Variants in JARID2 observed in about 807,000 individuals in gnomAD.
JARID2 encodes the protein protein Jumonji.
JARID2 carries 21 observed loss-of-function variants against 125.6 expected under a neutral mutation model. That is an observed-to-expected ratio of 0.17 (90% CI 0.12 to 0.24). The LOEUF (loss-of-function observed/expected upper bound fraction) is 0.24, where lower values mean the gene tolerates loss of function less well. Among genes scored for constraint, JARID2 ranks in the 10% least tolerant of loss-of-function variants. The probability of loss-of-function intolerance (pLI) is 1.00; values close to 1 mark genes in which losing one functional copy is unlikely to be tolerated. For missense variants in JARID2, 1,303 were observed against 1,639.6 expected (o/e 0.79, Z 3.55); for synonymous variants, 736 against 661.6 (o/e 1.11, Z -1.73).
At chr6:15,394,443 A>G (rs148525385) in intron 2 of JARID2, among the ~76,000 whole-genome samples, 336 of 152,232 alleles carry the variant, frequency 2.2e-3, no homozygotes, top group Non-Finnish European at 3.8e-3. Flanking sequence ...CACAAAAAAT[A>G]TAAAAAATTA....
At chr6:15,300,117 T>G (rs1183301302) in intron 1 of JARID2, among the ~76,000 whole-genome samples, 1 of 152,182 alleles carries the variant, frequency 6.6e-6, no homozygotes, top group Non-Finnish European at 1.5e-5. Context: ...ACCTCTGATT[T>G]AGGGTGTGCT....
chr6:15,317,179 TC>T (rs1762206846), intron 1 of JARID2, among the ~76,000 whole-genome samples: 1 of 152,186 alleles, frequency 6.6e-6, no homozygotes, highest in Non-Finnish European at 1.5e-5. Context: ...AATAATTTCT[TC>T]CTGTCCCTCT....
intron 3 of JARID2, among the ~76,000 whole-genome samples, chr6:15,434,760 A>T (rs1433598068): frequency 6.6e-6 from 1 of 152,208 alleles, no homozygotes; most frequent in Non-Finnish European, 1.5e-5. Context: ...TAAGATTTTC[A>T]TCTATAGGAC....
intron 1 of JARID2, among the ~76,000 whole-genome samples, chr6:15,316,152 C>T (rs542473632): frequency 6.6e-5 from 10 of 152,064 alleles, no homozygotes; most frequent in Admixed American, 5.9e-4. Context: ...GAGTCTCACT[C>T]TTGCCAAGGC....
intron 7 of JARID2, among the ~76,000 whole-genome samples, chr6:15,499,404 TGAA>T (rs1222541037): frequency 6.6e-6 from 1 of 152,200 alleles, no homozygotes; most frequent in Non-Finnish European, 1.5e-5. Context: ...GAGGATTCCA[TGAA>T]GAATTCTTGC....
At chr6:15,418,761 T>G (rs1273005037) in intron 3 of JARID2, among the ~76,000 whole-genome samples, 1 of 152,198 alleles carries the variant, frequency 6.6e-6, no homozygotes, top group Non-Finnish European at 1.5e-5. Context: ...AGTGTATGGA[T>G]TTCATAACTC....
intron 1 of JARID2, among the ~76,000 whole-genome samples, chr6:15,367,209 A>G (rs1471579161): frequency 6.6e-6 from 1 of 152,220 alleles, no homozygotes; most frequent in African/African-American, 2.4e-5. Flanking sequence ...CCATTTTTAA[A>G]TAGATGTAAT....
At chr6:15,252,898 T>TGCAG (rs1304339230) in intron 1 of JARID2, among the ~76,000 whole-genome samples, 4 of 152,228 alleles carry the variant, frequency 2.6e-5, no homozygotes, top group Non-Finnish European at 4.4e-5. Flanking sequence ...GCCTCACCCT[T>TGCAG]GCAGGCATCT....
intron 1 of JARID2, among the ~76,000 whole-genome samples, chr6:15,282,540 T>TC (rs1561767492): frequency 6.6e-6 from 1 of 151,988 alleles, no homozygotes; most frequent in African/African-American, 2.4e-5. Flanking sequence ...TTCTCTCTCT[T>TC]TCTCTCTCTG....
At chr6:15,300,716 TGTGTGTGAGAGAGAGAGAGA>T (rs1761584610) in intron 1 of JARID2, among the ~76,000 whole-genome samples, 2 of 139,538 alleles carry the variant, frequency 1.4e-5, no homozygotes, top group African/African-American at 5.7e-5. Context: ...TGTGTGTGTG[TGTGTGTGAGAGAGAGAGAGA>T]GAGAGAGAGA....
At chr6:15,454,678 G>T (rs1768076117) in intron 4 of JARID2, among the ~76,000 whole-genome samples, 1 of 148,262 alleles carries the variant, frequency 6.7e-6, no homozygotes, top group African/African-American at 2.5e-5. Flanking sequence ...AAGGAGTCTT[G>T]CTGTGTTCCC....
At chr6:15,444,826 T>A (rs1767604891) in intron 3 of JARID2, among the ~76,000 whole-genome samples, 1 of 134,478 alleles carries the variant, frequency 7.4e-6, no homozygotes, top group Non-Finnish European at 1.6e-5. Context: ...ATCTAAATAA[T>A]TGGATTTACC....
intron 1 of JARID2, among the ~76,000 whole-genome samples, chr6:15,330,951 T>C (rs1762686394): frequency 6.6e-6 from 1 of 152,064 alleles, no homozygotes; most frequent in South Asian, 2.1e-4. Context: ...ATTAAGTAAT[T>C]GTTCCCTAAG....
Position 15,496,747 on chromosome 6 carries a change from A to T in JARID2, c.1522A>T (p.Thr508Ser), listed in dbSNP as rs1364960202. 6.2e-7 allele frequency: 1 copy of T among 1,613,686 alleles called. No individual in the cohort carries two copies. Among genetic ancestry groups the T allele is most frequent in the East Asian group, 2.2e-5 (1 of 44,876 alleles). The stretch of plus-strand genomic sequence containing the variant: ...GAAGCGGGCCACGGCCGGGAAGAGC[A>T]CGCCAGGCAGACAAGCACATGGCAA... ...RPKRATAGKS[T>S]PGRQAHGKAD... Residue 508 changes from threonine to serine, a missense_variant, in exon 7 of 18, where the codon ACG becomes TCG. Coordinates refer to ENST00000341776, the MANE Select transcript of JARID2 (RefSeq NM_004973.4).
intron 2 of JARID2, among the ~76,000 whole-genome samples, chr6:15,381,505 CCT>C (rs1369159095): frequency 6.6e-6 from 1 of 152,142 alleles, no homozygotes; most frequent in African/African-American, 2.4e-5. Context: ...CTTTCCCTCT[CCT>C]GTTTCCCCTG....
At chr6:15,339,836 A>G (rs1763009874) in intron 1 of JARID2, among the ~76,000 whole-genome samples, 1 of 152,176 alleles carries the variant, frequency 6.6e-6, no homozygotes, top group South Asian at 2.1e-4. Context: ...TGCCTGGCCC[A>G]GTTAGCTCTC....
intron 1 of JARID2, among the ~76,000 whole-genome samples, chr6:15,358,209 A>C (rs977658032): frequency 3.9e-5 from 6 of 152,022 alleles, no homozygotes; most frequent in African/African-American, 1.5e-4. Context: ...GTGTAATATA[A>C]CCTGTTTACT....
intron 12 of JARID2, among the ~76,000 whole-genome samples, chr6:15,508,803 T>A (rs1415991162): frequency 6.6e-6 from 1 of 152,236 alleles, no homozygotes; most frequent in Non-Finnish European, 1.5e-5. Flanking sequence ...TTGTTATGGA[T>A]TAGTCACTTT....
intron 1 of JARID2, among the ~76,000 whole-genome samples, chr6:15,355,598 C>T (rs1763572100): frequency 6.6e-6 from 1 of 150,562 alleles, no homozygotes; most frequent in Admixed American, 6.6e-5. Context: ...TTAGTGCATT[C>T]CTTCCTTCCT....
Sources: gnomAD v4.1 joint callset for allele counts (sites outside exome capture counted in the v4.1 genomes callset) on GRCh38, gnomAD v4.1.1 for gene constraint, MANE v1.5 for transcripts, NCBI Gene and HGNC (gene_info 2026-07-23, HGNC 2026-07-21) for gene names.